Variants in ADGRD1 observed in about 807,000 individuals in gnomAD.
ADGRD1 encodes the protein G-protein coupled receptor 133.
A neutral mutation model predicts 113.4 loss-of-function variants in ADGRD1; 77 were observed. The ratio of observed to expected loss-of-function variants is 0.68; its 90% CI spans 0.57 to 0.82. The LOEUF (loss-of-function observed/expected upper bound fraction) is 0.82, where lower values mean the gene tolerates loss of function less well. Among genes scored for constraint, ADGRD1 ranks in the 40% least tolerant of loss-of-function variants. The pLI, the probability that ADGRD1 is intolerant of heterozygous loss-of-function variation, is 0.00. For synonymous variants in ADGRD1, 474 were observed against 475.0 expected (o/e 1.00, Z 0.03); for missense variants, 1,036 against 1,139.1 (o/e 0.91, Z 1.30).
chr12:131,136,967 TC>T lies in ADGRD1; in HGVS notation c.2395-3del. 6.2e-7 allele frequency: 1 copy of T among 1,608,714 alleles called. No homozygotes were observed. The highest frequency in any genetic ancestry group is 8.5e-7 in the Non-Finnish European group (1 of 1,174,988). ...TAATCTCTGCGTTTCTTCCCTTTCT[TC>T]CCAGGGACTGTTCATATTCCTCTTT... On this transcript the variant is annotated splice_polypyrimidine_tract_variant and splice_region_variant and intron_variant, in intron 22 of 24. Transcript: ENST00000261654.
chr12:131,004,027 T>TG (rs944293868), intron 10 of ADGRD1, among the ~76,000 whole-genome samples, 159 bp from the exon 11 acceptor site: 1 of 150,354 alleles, frequency 6.7e-6, no homozygotes, highest in Admixed American at 6.6e-5. Context: ...TTTACCCTTT[T>TG]TTTTTTTTTT....
Position 131,022,361 on chromosome 12 carries a change from T to C in ADGRD1, c.1473+8021T>C, listed in dbSNP as rs7968049. Among the ~76,000 whole-genome samples the C allele has an allele frequency of 0.11, 16,147 of 152,210 alleles. 959 individuals are homozygous for C. Among genetic ancestry groups the C allele is most frequent in the Middle Eastern group, 0.15 (44 of 294 alleles). The stretch of plus-strand genomic sequence containing the variant: ...CAACCTTCCTTCAGCTCATCTTCCT[T>C]CATGAATTTCTACATTTTGATTGCT... On this transcript the variant is annotated intron_variant, in intron 13 of 24. Coordinates refer to ENST00000261654, the MANE Select transcript of ADGRD1 (RefSeq NM_198827.5). The surrounding 1 kb of genome is among the most constrained non-coding windows in gnomAD (Gnocchi z 4.6).
intron 13 of ADGRD1, chr12:131,024,571 G>C (rs1460331047): frequency 2.6e-5 from 4 of 152,206 alleles, no homozygotes; most frequent in Non-Finnish European, 5.9e-5. Flanking sequence ...CCTTCCCATT[G>C]TGTTACAGCC....
At chr12:131,009,148 C>T (rs1461312285) in intron 12 of ADGRD1, among the ~76,000 whole-genome samples, 3 of 152,240 alleles carry the variant, frequency 2.0e-5, no homozygotes, top group African/African-American at 7.2e-5. Flanking sequence ...CCACACTCAA[C>T]ATTATCAACG....
Position 131,084,397 on chromosome 12 carries a change from T to C in ADGRD1, c.1548-143T>C. ...TCTCCTCCCAACCCCCACACCACGGTCTGGGTGTGCATTCCTGGCGTGGCA... is the reference window on the plus strand; with the variant it reads ...TCTCCTCCCAACCCCCACACCACGGCCTGGGTGTGCATTCCTGGCGTGGCA... On this transcript the variant is annotated intron_variant, in intron 14 of 24. Transcript: ENST00000261654. This position sits in a 1 kb window ranked among gnomAD's most constrained non-coding sequence, Gnocchi z 4.5. 1.3e-6 allele frequency: 1 copy of C among 799,890 alleles called. No homozygotes were observed. The highest frequency in any genetic ancestry group is 2.1e-6 in the Non-Finnish European group (1 of 484,394). The allele number at this position is 799,890 out of a possible 1,614,324, so 49.5% of individuals were successfully genotyped here.
intron 2 of ADGRD1, chr12:130,957,723 T>C (rs1371111216): frequency 1.3e-5 from 2 of 152,228 alleles, no homozygotes; most frequent in African/African-American, 4.8e-5. Context: ...ATCAAGGCAC[T>C]GTCTTAGAGA....
At chr12:131,006,169 C>T (rs1216224752) in intron 12 of ADGRD1, 122 bp downstream of exon 12, 5 of 853,980 alleles carry the variant, frequency 5.9e-6, no homozygotes, top group Non-Finnish European at 9.6e-6. Context: ...GTACCGGGCG[C>T]TTCACTGCTC....
rs372885212 is a variant in ADGRD1, at chr12:130,966,608, T to C, written c.187+62T>C. On this transcript the variant is annotated intron_variant, in intron 3 of 24. Coordinates refer to ENST00000261654, the MANE Select transcript of ADGRD1 (RefSeq NM_198827.5). The surrounding 1 kb of genome is among the most constrained non-coding windows in gnomAD (Gnocchi z 4.6). ...GGAATCCCAGGGCCATCAGGAGGCG[T>C]GGGTGCTGAGAGTGGCTGGCCTTGA... 326 of 1,030,300 alleles carry C rather than the reference T, an allele frequency of 3.2e-4. No individual in the cohort carries two copies. The African/African-American group carries it at 4.6e-3, about 15-fold the overall frequency. 63.8% of individuals were successfully genotyped at this position (1,030,300 alleles called of 1,614,324 possible). A position where few individuals can be genotyped will look rare whatever the true frequency, so the allele number is the denominator to read the frequency against.
At chr12:131,083,640 A>T (rs2137205854) in intron 14 of ADGRD1, among the ~76,000 whole-genome samples, 1 of 152,318 alleles carries the variant, frequency 6.6e-6, no homozygotes, top group South Asian at 2.1e-4. Context: ...GAAAATATAG[A>T]GAAATGTAGA....
At chr12:130,989,726 T>A (rs531430339) in intron 6 of ADGRD1, 1 of 152,350 alleles carries the variant, frequency 6.6e-6, no homozygotes, top group South Asian at 2.1e-4. Context: ...AGGTGACACC[T>A]CCTCTAATCT....
intron 4 of ADGRD1, among the ~76,000 whole-genome samples, chr12:130,973,801 A>G (rs1405514790): frequency 5.7e-5 from 1 of 17,514 alleles, no homozygotes; most frequent in Non-Finnish European, 1.0e-3. Flanking sequence ...ATGGCCAGAT[A>G]TAAACCGGGG....
At chr12:131,000,879 T>C (rs1876305452) in intron 9 of ADGRD1, among the ~76,000 whole-genome samples, 1 of 152,190 alleles carries the variant, frequency 6.6e-6, no homozygotes, top group African/African-American at 2.4e-5. Flanking sequence ...AAGAATGATG[T>C]ATCTCCCAGT....
chr12:130,984,347 T>C lies in ADGRD1; in HGVS notation c.490+2284T>C, dbSNP rs942559605. Among the ~76,000 whole-genome samples, 16 of 152,182 alleles carry C rather than the reference T, an allele frequency of 1.1e-4. No homozygotes were observed. Among genetic ancestry groups the C allele is most frequent in the Non-Finnish European group, 2.1e-4 (14 of 68,022 alleles). On this transcript the variant is annotated intron_variant, in intron 5 of 24. Transcript: ENST00000261654. This position sits in a 1 kb window ranked among gnomAD's most constrained non-coding sequence, Gnocchi z 4.1. ...ATGGGGCAGCCGCCCTTCCACGCAC[T>C]GCAGTCAGCACAGAAGCCACGTCCT...
At chr12:130,976,662 C>T (rs1195876998) in intron 4 of ADGRD1, 1 of 152,100 alleles carries the variant, frequency 6.6e-6, no homozygotes, top group Non-Finnish European at 1.5e-5. Flanking sequence ...TCCAAATACC[C>T]CAGCCCACGA....
chr12:130,965,093 T>C lies in ADGRD1; in HGVS notation c.104-1370T>C, dbSNP rs138023629. 0.021 allele frequency among the ~76,000 whole-genome samples: 3,208 copies of C among 152,320 alleles called. 41 individuals are homozygous for C. The highest frequency in any genetic ancestry group is 0.055 in the South Asian group (264 of 4,832). Reference sequence around the variant, plus strand: ...CCCTCAGAATTATTATTTTTTATTTTCTTCATGAAAATCTTGTACAATTCT... The same window carrying C: ...CCCTCAGAATTATTATTTTTTATTTCCTTCATGAAAATCTTGTACAATTCT... On this transcript the variant is annotated intron_variant, in intron 2 of 24. Transcript: ENST00000261654. The surrounding 1 kb of genome is among the most constrained non-coding windows in gnomAD (Gnocchi z 4.8).
rs74810882 is a variant in ADGRD1, at chr12:131,058,724, C to A, written c.1474-18077C>A. ...TCCTCAGCAGTTTCTGATGGGAAATCCACGCTATTCTAATTGTCTGGCCTT... is the reference window on the plus strand; with the variant it reads ...TCCTCAGCAGTTTCTGATGGGAAATACACGCTATTCTAATTGTCTGGCCTT... On this transcript the variant is annotated intron_variant, in intron 13 of 24. Coordinates refer to ENST00000261654, the MANE Select transcript of ADGRD1 (RefSeq NM_198827.5). 5.1e-4 allele frequency among the ~76,000 whole-genome samples: 77 copies of A among 152,322 alleles called. 2 individuals are homozygous for A. The East Asian group carries it at 0.013, about 26-fold the overall frequency.
chr12:131,098,912 G>T (rs530526516), intron 15 of ADGRD1, among the ~76,000 whole-genome samples: 2 of 152,306 alleles, frequency 1.3e-5, no homozygotes, highest in African/African-American at 4.8e-5. Flanking sequence ...CCTGCCTCTC[G>T]CCAGCTGCAT....
In ADGRD1 at chr12:131,060,605, G is replaced by A. The variant is rs191147538; in HGVS notation, c.1474-16196G>A. 1.5e-3 allele frequency among the ~76,000 whole-genome samples: 221 copies of A among 152,266 alleles called. No homozygotes were observed. The highest frequency in any genetic ancestry group is 3.4e-3 in the Middle Eastern group (1 of 294). On this transcript the variant is annotated intron_variant, in intron 13 of 24. Transcript: ENST00000261654. This position sits in a 1 kb window ranked among gnomAD's most constrained non-coding sequence, Gnocchi z 4.4. ...AGCCTCTCCAGGGGCATCAGCAGCC[G>A]TACCACTAAACCAGAGGAGTTGGAT... is the stretch of plus-strand genomic sequence containing the variant.
intron 13 of ADGRD1, among the ~76,000 whole-genome samples, chr12:131,055,856 A>G (rs1380945745): frequency 6.6e-6 from 1 of 152,122 alleles, no homozygotes; most frequent in Admixed American, 6.6e-5. Flanking sequence ...AAGTAAAACC[A>G]CTCATCTTTC....
Sources: allele counts gnomAD v4.1 joint callset (sites outside exome capture counted in the v4.1 genomes callset), GRCh38; gene constraint gnomAD v4.1.1; non-coding constraint Gnocchi (gnomAD v3.1); transcripts MANE v1.5; gene names NCBI Gene and HGNC (gene_info 2026-07-23, HGNC 2026-07-21).